KLHL15: variants seen among roughly 807,000 people sequenced by gnomAD.
KLHL15 encodes the protein kelch-like protein 15.
KLHL15 carries 1 observed loss-of-function variant against 29.3 expected under a neutral mutation model. The observed-to-expected ratio is 0.03, with a 90% confidence interval of 0.01 to 0.16. The LOEUF (loss-of-function observed/expected upper bound fraction) is 0.16. Ranked by LOEUF, KLHL15 falls within the 10% of genes least tolerant of loss-of-function variation. The pLI is 1.00. For missense variants in KLHL15, 215 were observed against 478.5 expected (o/e 0.45, Z 5.14); for synonymous variants, 212 against 184.5 (o/e 1.15, Z -1.21).
At chrX:24,024,531 C>A (rs1257436278) in intron 2 of KLHL15, among the ~76,000 whole-genome samples, 1 of 111,871 alleles carries the variant, frequency 8.9e-6, no homozygotes, top group Admixed American at 9.5e-5. Context: ...TAGTTTTATG[C>A]CTCGCATTTT....
chrX:24,014,571 G>A (rs1451841296), intron 2 of KLHL15, among the ~76,000 whole-genome samples: 1 of 111,534 alleles, frequency 9.0e-6, no homozygotes, highest in Non-Finnish European at 1.9e-5. Flanking sequence ...TACTTACTAT[G>A]ATGGAAATAT....
chrX:23,988,149 C>T lies in KLHL15; in HGVS notation c.1587G>A (p.Pro529=), dbSNP rs373176745. The change falls in exon 4 of 4, where the codon CCG becomes CCA. Residue 529 remains proline, a synonymous_variant. Transcript: ENST00000328046. ...TDQWTILASM[P]IGRSGHGVTV... ...TCACACCATGGCCACTTCTACCAATCGGCATGGATGCCAAGATGGTCCACT... is the reference window on the plus strand; with the variant it reads ...TCACACCATGGCCACTTCTACCAATTGGCATGGATGCCAAGATGGTCCACT... 29 of 1,209,773 alleles carry T rather than the reference C, an allele frequency of 2.4e-5. No individual in the cohort carries two copies. The East Asian group carries it at 4.1e-4, about 17-fold the overall frequency.
intron 2 of KLHL15, among the ~76,000 whole-genome samples, chrX:24,011,754 G>A (rs1929579460): frequency 8.9e-6 from 1 of 112,262 alleles, no homozygotes; most frequent in Non-Finnish European, 1.9e-5. Flanking sequence ...AGTGAGCCAT[G>A]ATTATGCCAC....
chrX:24,015,237 G>GAC lies in KLHL15; in HGVS notation c.-7-8539_-7-8538dup, dbSNP rs946496333. ...TGCATCTGTAAAAACAAGAGCACTA[G>GAC]ACATGATCTCTAAAATATTTTTAGT... On this transcript the variant is annotated intron_variant, in intron 2 of 3. Coordinates refer to ENST00000328046, the MANE Select transcript of KLHL15 (RefSeq NM_030624.3). 8.9e-5 allele frequency among the ~76,000 whole-genome samples: 10 copies of GAC among 111,894 alleles called. No homozygotes were observed. In the Admixed American group the frequency reaches 9.5e-4, roughly 11 times the overall value.
intron 2 of KLHL15, among the ~76,000 whole-genome samples, chrX:24,017,633 TAGTC>T (rs965355262): frequency 2.8e-5 from 3 of 108,329 alleles, no homozygotes; most frequent in Non-Finnish European, 5.7e-5. Flanking sequence ...ACATAAAAAT[TAGTC>T]AGACGTGGTG....
At chrX:23,998,928 G>A (rs867084403) in intron 3 of KLHL15, among the ~76,000 whole-genome samples, 4 of 110,575 alleles carry the variant, frequency 3.6e-5, no homozygotes, top group African/African-American at 6.6e-5. Context: ...TGATTGAGAC[G>A]GAGTTTCGCT....
intron 2 of KLHL15, among the ~76,000 whole-genome samples, chrX:24,020,019 G>A (rs1423727419): frequency 8.9e-6 from 1 of 112,163 alleles, no homozygotes; most frequent in Non-Finnish European, 1.9e-5. Context: ...TAGATTCTCA[G>A]AGGTTGATAT....
intron 3 of KLHL15, among the ~76,000 whole-genome samples, chrX:24,000,904 T>C (rs1044831635): frequency 6.2e-5 from 7 of 112,505 alleles, no homozygotes; most frequent in African/African-American, 2.3e-4. Context: ...TGAGATTATA[T>C]TAAGGACAAT....
intron 2 of KLHL15, among the ~76,000 whole-genome samples, chrX:24,008,525 C>T (rs1929501107): frequency 8.9e-6 from 1 of 112,266 alleles, no homozygotes; most frequent in Non-Finnish European, 1.9e-5. Flanking sequence ...AGGCGTGAGC[C>T]ACTGCGCCTG....
intron 3 of KLHL15, among the ~76,000 whole-genome samples, chrX:23,997,542 C>T (rs907438594): frequency 1.5e-4 from 16 of 107,544 alleles, no homozygotes; most frequent in African/African-American, 4.7e-4. Context: ...ACCAGCCTGG[C>T]CAACATGGTA....
At chrX:24,001,802 C>CAAAAAAAAA (rs766669649) in intron 3 of KLHL15, among the ~76,000 whole-genome samples, 5 of 22,650 alleles carry the variant, frequency 2.2e-4, no homozygotes, top group East Asian at 3.5e-3. Flanking sequence ...AGACTTGACT[C>CAAAAAAAAA]AAAAAAAAAA....
intron 3 of KLHL15, among the ~76,000 whole-genome samples, chrX:23,993,057 C>T (rs925802041): frequency 1.8e-5 from 2 of 110,489 alleles, no homozygotes; most frequent in African/African-American, 3.3e-5. Flanking sequence ...CCATTCTTAG[C>T]TAATGTCTTA....
chrX:24,016,368 A>AGGG (rs1352790453), intron 2 of KLHL15, among the ~76,000 whole-genome samples: 2 of 76,502 alleles, frequency 2.6e-5, no homozygotes, highest in African/African-American at 7.0e-5. Flanking sequence ...AAAAAAAAAA[A>AGGG]GGGGGGGTAT....
intron 2 of KLHL15, among the ~76,000 whole-genome samples, chrX:24,021,649 G>C (rs762658267): frequency 2.7e-5 from 3 of 111,549 alleles, no homozygotes; most frequent in Non-Finnish European, 5.6e-5. Context: ...TCCATGTTTT[G>C]TATCCATCCC....
At chrX:23,996,327 G>A (rs985617908) in intron 3 of KLHL15, among the ~76,000 whole-genome samples, 2 of 111,898 alleles carry the variant, frequency 1.8e-5, no homozygotes, top group Non-Finnish European at 3.8e-5. Flanking sequence ...CCACCATGAT[G>A]CAATCTTCCC....
intron 2 of KLHL15, among the ~76,000 whole-genome samples, chrX:24,024,526 T>G (rs1176296124): frequency 8.9e-6 from 1 of 112,093 alleles, no homozygotes; most frequent in African/African-American, 3.2e-5. Flanking sequence ...ATTCCTAGTT[T>G]TATGCCTCGC....
intron 2 of KLHL15, among the ~76,000 whole-genome samples, chrX:24,016,463 G>A (rs1382533428): frequency 1.9e-5 from 2 of 107,982 alleles, no homozygotes; most frequent in Non-Finnish European, 3.8e-5. Context: ...TCAGGAGTTC[G>A]AGACCAGCTG....
intron 2 of KLHL15, among the ~76,000 whole-genome samples, chrX:24,011,695 C>T (rs1387279930): frequency 1.8e-5 from 2 of 110,137 alleles, no homozygotes; most frequent in African/African-American, 3.3e-5. Flanking sequence ...CCTGGCTACT[C>T]GGGAGGCTGA....
intron 2 of KLHL15, among the ~76,000 whole-genome samples, chrX:24,023,651 A>G (rs1488135000): frequency 8.9e-6 from 1 of 112,284 alleles, no homozygotes; most frequent in Non-Finnish European, 1.9e-5. Context: ...TTCAATTTTC[A>G]AACCACAAAT....
Sources: allele counts gnomAD v4.1 joint callset (sites outside exome capture counted in the v4.1 genomes callset), GRCh38; gene constraint gnomAD v4.1.1; transcripts MANE v1.5; gene names NCBI Gene and HGNC (gene_info 2026-07-23, HGNC 2026-07-21).